Variants in HDLBP observed in about 807,000 individuals in gnomAD.
The protein encoded by HDLBP is vigilin.
Under a neutral mutation model 137.3 loss-of-function variants are expected in HDLBP, and 30 were observed. That is an observed-to-expected ratio of 0.22 (90% CI 0.16 to 0.30). The LOEUF (loss-of-function observed/expected upper bound fraction) is 0.30, where lower values mean the gene tolerates loss of function less well. Ranked by LOEUF, HDLBP falls within the 10% of genes least tolerant of loss-of-function variation. The probability of loss-of-function intolerance (pLI) is 1.00; values close to 1 mark genes in which losing one functional copy is unlikely to be tolerated. For synonymous variants in HDLBP, 606 were observed against 596.0 expected (o/e 1.02, Z -0.24); for missense variants, 1,119 against 1,667.3 (o/e 0.67, Z 5.73).
intron 1 of HDLBP, among the ~76,000 whole-genome samples, chr2:241,275,040 C>T (rs544359151): frequency 1.6e-4 from 25 of 152,240 alleles, no homozygotes; most frequent in African/African-American, 6.0e-4. Flanking sequence ...CTACAGGATG[C>T]CTTCTCTGAC....
intron 1 of HDLBP, among the ~76,000 whole-genome samples, chr2:241,286,715 T>A (rs28720077): frequency 6.6e-6 from 1 of 152,030 alleles, no homozygotes; most frequent in African/African-American, 2.4e-5. Context: ...CTAAATTAAC[T>A]GAGACTTGTC....
In HDLBP at chr2:241,240,979, G is replaced by T. The variant is rs546169679; in HGVS notation, c.2170-857C>A. ...ATAACAACTTTGCTACCTTTTAAGTGCAGGTTTCACCAAATACCACCTAGA... is the reference window on the plus strand; with the variant it reads ...ATAACAACTTTGCTACCTTTTAAGTTCAGGTTTCACCAAATACCACCTAGA... On this transcript the variant is annotated intron_variant, in intron 17 of 27. Coordinates refer to ENST00000310931, the MANE Select transcript of HDLBP (RefSeq NM_005336.6). The surrounding 1 kb of genome is among the most constrained non-coding windows in gnomAD (Gnocchi z 5.5). Among the ~76,000 whole-genome samples the T allele has an allele frequency of 1.4e-4, 22 of 152,252 alleles. No individual in the cohort carries two copies. In the Middle Eastern group the frequency reaches 0.014, roughly 94 times the overall value.
At chr2:241,297,821 G>A (rs1156585954) in intron 1 of HDLBP, among the ~76,000 whole-genome samples, 1 of 151,688 alleles carries the variant, frequency 6.6e-6, no homozygotes, top group Non-Finnish European at 1.5e-5. Flanking sequence ...GGGAGGCCAA[G>A]GCGGGTGGAT....
At chr2:241,236,986 G>GGGC (rs1313455594) in intron 20 of HDLBP, among the ~76,000 whole-genome samples, 1 of 150,480 alleles carries the variant, frequency 6.6e-6, no homozygotes, top group East Asian at 2.0e-4. Flanking sequence ...TTGGGGGGGG[G>GGGC]GGGGGGGGCG....
chr2:241,288,282 G>A (rs1191223437), intron 1 of HDLBP, among the ~76,000 whole-genome samples: 1 of 152,142 alleles, frequency 6.6e-6, no homozygotes, highest in Non-Finnish European at 1.5e-5. Flanking sequence ...AGGAAGTGGT[G>A]ATGACTTTAC....
intron 1 of HDLBP, among the ~76,000 whole-genome samples, chr2:241,278,147 A>T (rs1476318856): frequency 1.3e-5 from 2 of 152,214 alleles, no homozygotes; most frequent in African/African-American, 4.8e-5. Context: ...ACAATCTTGC[A>T]AACTGACCCA....
intron 2 of HDLBP, among the ~76,000 whole-genome samples, chr2:241,268,210 A>G (rs1407704527): frequency 6.6e-6 from 1 of 152,254 alleles, no homozygotes; most frequent in Admixed American, 6.5e-5. Flanking sequence ...CCCAATTCAG[A>G]TAATACTGAA....
chr2:241,280,493 T>C (rs529545593), intron 1 of HDLBP, among the ~76,000 whole-genome samples: 15 of 152,332 alleles, frequency 9.8e-5, no homozygotes, highest in African/African-American at 3.6e-4. Context: ...ATTCTGTCAG[T>C]TTCACTACTT....
chr2:241,261,500 A>G (rs2073180079), intron 5 of HDLBP, among the ~76,000 whole-genome samples: 1 of 152,210 alleles, frequency 6.6e-6, no homozygotes, highest in Non-Finnish European at 1.5e-5. Flanking sequence ...TTGTCTGAAG[A>G]TAATTGAGGA....
intron 1 of HDLBP, among the ~76,000 whole-genome samples, chr2:241,285,059 T>G (rs1257025662): frequency 6.6e-6 from 1 of 152,208 alleles, no homozygotes; most frequent in Non-Finnish European, 1.5e-5. Context: ...TTTCGTACTT[T>G]TAGTAGAGGC....
intron 24 of HDLBP, 89 bp from the exon 25 acceptor site, chr2:241,231,033 A>G (rs2069680033): frequency 1.8e-6 from 2 of 1,116,960 alleles, no homozygotes; most frequent in Non-Finnish European, 2.6e-6. Flanking sequence ...TGAGGAAAAC[A>G]GCTCAGGAGA....
intron 11 of HDLBP, chr2:241,250,539 T>C (rs1262186396): frequency 6.6e-6 from 1 of 152,480 alleles, no homozygotes; most frequent in African/African-American, 2.4e-5. Flanking sequence ...GCTGTCAACC[T>C]CTCTGGATAG....
At chr2:241,274,323 G>C (rs1453476130) in intron 1 of HDLBP, among the ~76,000 whole-genome samples, 1 of 152,162 alleles carries the variant, frequency 6.6e-6, no homozygotes, top group Non-Finnish European at 1.5e-5. Context: ...AAGGAGCCAA[G>C]GATATCATCA....
chr2:241,258,586 C>T (rs375092905), intron 5 of HDLBP, among the ~76,000 whole-genome samples: 6 of 152,228 alleles, frequency 3.9e-5, no homozygotes, highest in East Asian at 1.9e-4. Flanking sequence ...GAAACTCAAT[C>T]AGTGCCTCAA....
At position 241,238,599 on chromosome 2, in the gene HDLBP, A is replaced by G. The variant is rs755127927; in HGVS notation, c.2749+50T>C. ...TATGTGCGACAGCCCCGCCTCTCAC[A>G]TGGGAGGCGCCACTATTAACAAGCA... On this transcript the variant is annotated intron_variant, in intron 20 of 27. Coordinates refer to ENST00000310931, the MANE Select transcript of HDLBP (RefSeq NM_005336.6). The surrounding 1 kb of genome is among the most constrained non-coding windows in gnomAD (Gnocchi z 4.9). 5 of 1,402,558 alleles carry G rather than the reference A, an allele frequency of 3.6e-6. No homozygotes were observed. Among genetic ancestry groups the G allele is most frequent in the South Asian group, 3.2e-5 (2 of 62,542 alleles). The allele number at this position is 1,402,558 out of a possible 1,614,324, so 86.9% of individuals were successfully genotyped here.
rs2070058144 is a variant in HDLBP at position 241,233,633 on chromosome 2, G to T, written c.3288+187C>A. Among the ~76,000 whole-genome samples, 1 of 152,064 alleles carries T rather than the reference G, an allele frequency of 6.6e-6. No individual in the cohort carries two copies. Among genetic ancestry groups the T allele is most frequent in the Non-Finnish European group, 1.5e-5 (1 of 68,016 alleles). ...GCCCCAGATGATACATAGTGCCAGA[G>T]ACCTCACCCATCTGGCAAGTACCGA... On this transcript the variant is annotated intron_variant, in intron 24 of 27. Transcript: ENST00000310931. This position sits in a 1 kb window ranked among gnomAD's most constrained non-coding sequence, Gnocchi z 4.3.
At chr2:241,297,727 CAAGA>C (rs1352784043) in intron 1 of HDLBP, among the ~76,000 whole-genome samples, 10 of 151,714 alleles carry the variant, frequency 6.6e-5, no homozygotes, top group Admixed American at 5.3e-4. Flanking sequence ...TCCTGTGGTA[CAAGA>C]AAGAAAGAGA....
chr2:241,249,575 AC>A (rs1251431995), intron 12 of HDLBP, among the ~76,000 whole-genome samples: 2 of 152,246 alleles, frequency 1.3e-5, no homozygotes, highest in African/African-American at 4.8e-5. Flanking sequence ...GCATCTGGGC[AC>A]CCAGGGTGTG....
chr2:241,228,337 T>A lies in HDLBP; in HGVS notation c.*1264A>T, dbSNP rs561396700. On this transcript the variant is annotated 3_prime_UTR_variant, in exon 28 of 28. Coordinates refer to ENST00000310931, the MANE Select transcript of HDLBP (RefSeq NM_005336.6). Reference sequence around the variant, plus strand: ...CAGATGCCTCCCTCGGAGAGCAGGGTCTCTCGGCATCCAGCGGCGTGGTCT... The same window carrying A: ...CAGATGCCTCCCTCGGAGAGCAGGGACTCTCGGCATCCAGCGGCGTGGTCT... 6.6e-6 allele frequency: 1 copy of A among 152,334 alleles called. No homozygotes were observed. The highest frequency in any genetic ancestry group is 2.1e-4 in the South Asian group (1 of 4,812). 9.4% of individuals were successfully genotyped at this position (152,334 alleles called of 1,614,324 possible).
Sources: gnomAD v4.1 joint callset for allele counts (sites outside exome capture counted in the v4.1 genomes callset) on GRCh38, gnomAD v4.1.1 for gene constraint, Gnocchi (gnomAD v3.1) non-coding constraint, MANE v1.5 for transcripts, NCBI Gene and HGNC (gene_info 2026-07-23, HGNC 2026-07-21) for gene names.